The following DOCK11 variants were observed in gnomAD, a reference collection of about 807,000 sequenced individuals.
The protein encoded by DOCK11 is dedicator of cytokinesis 11, also known as dedicator of cytokinesis protein 11.
In DOCK11, 70 loss-of-function variants were observed where a neutral mutation model predicts 169.1. That is an observed-to-expected ratio of 0.41 (90% CI 0.34 to 0.51). The LOEUF (loss-of-function observed/expected upper bound fraction) is 0.51, where lower values mean the gene tolerates loss of function less well. Ranked by LOEUF, DOCK11 falls within the 20% of genes least tolerant of loss-of-function variation. The pLI is 0.10. For missense variants in DOCK11, 1,166 were observed against 1,538.8 expected, an observed-to-expected ratio of 0.76 and a Z score of 4.05; for synonymous variants, 529 against 541.3, an observed-to-expected ratio of 0.98 and a Z score of 0.32.
intron 6 of DOCK11, among the ~76,000 whole-genome samples, chrX:118,557,997 C>T (rs1171492755): frequency 7.4e-5 from 7 of 95,027 alleles, no homozygotes; most frequent in African/African-American, 1.6e-4. Context: ...TTTTTTGAGA[C>T]GGAGTCTTGC....
Position 118,585,128 on chromosome X carries a change from A to G in DOCK11, c.1795+11A>G. The G allele has an allele frequency of 8.6e-6, 10 of 1,168,653 alleles. No individual in the cohort carries two copies. Among genetic ancestry groups the G allele is most frequent in the Non-Finnish European group, 1.2e-5 (10 of 857,189 alleles). On this transcript the variant is annotated intron_variant, in intron 16 of 52. Transcript: ENST00000276202. ...CTGTGGATTTATCAAGTAAGAACAT[A>G]TTGCAAATAAACCTTAAGCATAATG...
At chrX:118,503,654 G>A (rs1193166059) in intron 1 of DOCK11, among the ~76,000 whole-genome samples, 1 of 111,487 alleles carries the variant, frequency 9.0e-6, no homozygotes, top group Admixed American at 9.5e-5. Context: ...TGGTGGCTGA[G>A]CATATAAGGT....
At chrX:118,647,646 A>G (rs1308133528) in intron 40 of DOCK11, among the ~76,000 whole-genome samples, 11 of 60,999 alleles carry the variant, frequency 1.8e-4, no homozygotes, top group Admixed American at 2.9e-4. Flanking sequence ...AATATATTAT[A>G]TGTTTATATA....
At chrX:118,552,877 CT>C (rs1332951204) in intron 6 of DOCK11, among the ~76,000 whole-genome samples, 19 of 107,018 alleles carry the variant, frequency 1.8e-4, no homozygotes, top group Non-Finnish European at 2.9e-4. Context: ...ACCTCATCCC[CT>C]TTTTTTTTTC....
At chrX:118,543,134 G>A (rs1203687388) in intron 3 of DOCK11, 119 bp downstream of exon 3, 1 of 545,963 alleles carries the variant, frequency 1.8e-6, no homozygotes, top group African/African-American at 2.3e-5. Flanking sequence ...AATATTTAAA[G>A]TAGTCTTCCT....
intron 40 of DOCK11, among the ~76,000 whole-genome samples, chrX:118,645,345 T>G (rs2015628926): frequency 9.0e-6 from 1 of 111,637 alleles, no homozygotes; most frequent in Non-Finnish European, 1.9e-5. Context: ...TTTGCCCTCA[T>G]GAAGCGTTCA....
At chrX:118,617,892 A>C (rs1603122978) in intron 30 of DOCK11, among the ~76,000 whole-genome samples, 1 of 111,668 alleles carries the variant, frequency 9.0e-6, no homozygotes, top group African/African-American at 3.2e-5. Flanking sequence ...CAAATAAATA[A>C]ATAAATAAAA....
At chrX:118,646,168 A>C (rs188818421) in intron 40 of DOCK11, among the ~76,000 whole-genome samples, 2 of 111,296 alleles carry the variant, frequency 1.8e-5, no homozygotes, top group East Asian at 5.6e-4. Flanking sequence ...TCTAGGGAGA[A>C]TGACATACAT....
chrX:118,609,226 T>C, intron 26 of DOCK11, 52 bp from the exon 27 acceptor site: 2 of 1,007,441 alleles, frequency 2.0e-6, no homozygotes, highest in Non-Finnish European at 2.8e-6. Flanking sequence ...CAAACTTTGC[T>C]AAGCTTCAGA....
At chrX:118,598,170 A>T in intron 22 of DOCK11, 54 bp downstream of exon 22, 1 of 906,524 alleles carries the variant, frequency 1.1e-6, no homozygotes, top group Non-Finnish European at 1.6e-6. Flanking sequence ...TTGTTTGATT[A>T]AAATAGACCA....
chrX:118,568,425 T>TATATATATATA (rs1262713292), intron 10 of DOCK11, among the ~76,000 whole-genome samples: 7 of 77,101 alleles, frequency 9.1e-5, no homozygotes, highest in Non-Finnish European at 1.3e-4. Flanking sequence ...TATATATATA[T>TATATATATATA]TTCTCAGTTT....
rs184730864 is a variant in DOCK11, at chrX:118,611,904, A to C, written c.3096+1486A>C. 4.3e-4 allele frequency among the ~76,000 whole-genome samples: 48 copies of C among 111,529 alleles called. 1 individual carries two copies. In the East Asian group the frequency reaches 9.9e-3, roughly 23 times the overall value. Reference sequence around the variant, plus strand: ...CAAGTAGCTGGGATTACAGGCATGCATCACCATGCCCAGTATTTTTAGTAG... The same window carrying C: ...CAAGTAGCTGGGATTACAGGCATGCCTCACCATGCCCAGTATTTTTAGTAG... On this transcript the variant is annotated intron_variant, in intron 28 of 52. Transcript: ENST00000276202.
At chrX:118,604,521 C>CTTTTTTTTTTTTTTTTTTTTTTT (rs74504860) in intron 23 of DOCK11, among the ~76,000 whole-genome samples, 1 of 38,183 alleles carries the variant, frequency 2.6e-5, no homozygotes, top group Non-Finnish European at 4.2e-5. Context: ...GGTTTGTTTC[C>CTTTTTTTTTTTTTTTTTTTTTTT]TTTTTTTTTT....
intron 35 of DOCK11, among the ~76,000 whole-genome samples, chrX:118,635,596 TA>T (rs757595855): frequency 2.7e-5 from 3 of 111,926 alleles, no homozygotes; most frequent in Non-Finnish European, 5.6e-5. Context: ...TTATTTTTAT[TA>T]TTTTTTTTGA....
rs778355795 is a variant in DOCK11, at chrX:118,627,518, G to A, written c.3603G>A (p.Glu1201=). ...AAMPNSASRD[E]FPCGFTSPAN... is the part of the protein sequence containing the mutation. ...TTCTGTTACAGGCATCCAGAGATGA[G>A]TTTCCATGTGGCTTTACTTCACCTG... The change falls in exon 33 of 53, where the codon GAG becomes GAA. Residue 1201 remains glutamate, a synonymous_variant. Transcript: ENST00000276202. 1.7e-6 allele frequency: 2 copies of A among 1,208,755 alleles called. No individual in the cohort carries two copies. Among genetic ancestry groups the A allele is most frequent in the Non-Finnish European group, 2.2e-6 (2 of 893,128 alleles).
Position 118,566,110 on chromosome X carries a change from T to C in DOCK11, c.799T>C (p.Leu267=). ...GGAAATGGAGGAATGGTTGATAACT[T>C]TGAAAAAGATTATTCAGATCAACAC... ...EQEMEEWLIT[L]KKIIQINTDS... The change falls in exon 8 of 53, where the codon TTG becomes CTG. Residue 267 remains leucine, a synonymous_variant. Coordinates refer to ENST00000276202, the MANE Select transcript of DOCK11 (RefSeq NM_144658.4). 8.3e-7 allele frequency: 1 copy of C among 1,210,607 alleles called. No individual in the cohort carries two copies. Among genetic ancestry groups the C allele is most frequent in the Non-Finnish European group, 1.1e-6 (1 of 894,776 alleles).
chrX:118,498,105 C>T (rs1347844373), intron 1 of DOCK11, among the ~76,000 whole-genome samples: 1 of 112,092 alleles, frequency 8.9e-6, no homozygotes, highest in Middle Eastern at 4.2e-3. Context: ...CCGTTTACAC[C>T]AGGCAATGCA....
chrX:118,669,330 G>A lies in DOCK11; in HGVS notation c.5077-1693G>A, dbSNP rs142905517. Among the ~76,000 whole-genome samples, 48 of 112,003 alleles carry A rather than the reference G, an allele frequency of 4.3e-4. No homozygotes were observed. In the East Asian group the frequency reaches 0.012, roughly 28 times the overall value. On this transcript the variant is annotated intron_variant, in intron 45 of 52. Transcript: ENST00000276202. ...TAAAGAAAGAGGGTGTAATAGTTGC[G>A]TAGATATCTGAGCCTATTTGGGCTT...
intron 45 of DOCK11, among the ~76,000 whole-genome samples, chrX:118,663,648 G>A (rs2016271225): frequency 9.9e-6 from 1 of 101,480 alleles, no homozygotes; most frequent in Admixed American, 1.1e-4. Flanking sequence ...GCTTTATTCA[G>A]TAGAATATTA....
Sources: gnomAD v4.1 joint callset for allele counts (sites outside exome capture counted in the v4.1 genomes callset) on GRCh38, gnomAD v4.1.1 for gene constraint, MANE v1.5 for transcripts, NCBI Gene and HGNC (gene_info 2026-07-23, HGNC 2026-07-21) for gene names.